The following CCDC40 variants were observed in gnomAD, a reference collection of about 807,000 sequenced individuals.
The protein encoded by CCDC40 is coiled-coil domain 40 molecular ruler complex subunit.
CCDC40 carries 104 observed loss-of-function variants against 124.5 expected under a neutral mutation model. That is an observed-to-expected ratio of 0.84 (90% CI 0.71 to 0.98). CCDC40 has a LOEUF of 0.98. Among genes scored for constraint, CCDC40 ranks in the 50% least tolerant of loss-of-function variants. CCDC40 has a pLI of 0.00. For synonymous variants in CCDC40, 580 were observed against 602.9 expected, an observed-to-expected ratio of 0.96 and a Z score of 0.56; for missense variants, 1,463 against 1,503.9, an observed-to-expected ratio of 0.97 and a Z score of 0.45.
intron 10 of CCDC40, among the ~76,000 whole-genome samples, chr17:80,072,419 G>C (rs55938998): frequency 6.6e-6 from 1 of 152,064 alleles, no homozygotes; most frequent in African/African-American, 2.4e-5. Flanking sequence ...ACATTTCCCC[G>C]AGTGTTAGGA....
intron 9 of CCDC40, among the ~76,000 whole-genome samples, chr17:80,061,812 C>G (rs2037904554): frequency 6.7e-6 from 1 of 150,084 alleles, no homozygotes; most frequent in South Asian, 2.1e-4. Context: ...TTATCTTTAT[C>G]AAGATCTTCA....
At chr17:80,088,331 A>C (rs1181676476) in intron 16 of CCDC40, 3 of 566,004 alleles carry the variant, frequency 5.3e-6, no homozygotes, top group Non-Finnish European at 9.7e-6. Flanking sequence ...AGCTCACTGC[A>C]ACCTCTGCCT....
Position 80,086,980 on chromosome 17 carries a change from T to C in CCDC40, c.2450-627T>C. On this transcript the variant is annotated intron_variant, in intron 14 of 19. Transcript: ENST00000397545. The surrounding 1 kb of genome is among the most constrained non-coding windows in gnomAD (Gnocchi z 5.5). ...GGCAAGAGCTGCCGAAATACCATGC[T>C]GTGAGATGGGGAGGATCACCCATGG... 6.0e-6 allele frequency: 1 copy of C among 167,358 alleles called. No individual in the cohort carries two copies. Among genetic ancestry groups the C allele is most frequent in the Admixed American group, 5.5e-5 (1 of 18,348 alleles). The allele number at this position is 167,358 out of a possible 1,614,324, so 10.4% of individuals were successfully genotyped here.
At chr17:80,093,759 C>T (rs1247235797) in intron 17 of CCDC40, among the ~76,000 whole-genome samples, 1 of 152,046 alleles carries the variant, frequency 6.6e-6, no homozygotes, top group Non-Finnish European at 1.5e-5. Flanking sequence ...GGTGATCCAC[C>T]GGTTTCGGCC....
At position 80,086,126 on chromosome 17, in the gene CCDC40, G is replaced by A; in HGVS notation, c.2359G>A (p.Val787Met). The change falls in exon 14 of 20, where the codon GTG (valine) becomes ATG (methionine). Residue 787 changes from valine to methionine, a missense_variant. Transcript: ENST00000397545. This position sits in a 1 kb window ranked among gnomAD's most constrained non-coding sequence, Gnocchi z 5.5. ...GCGCCTGCAGCAGGAGATGGTCAAG[G>A]TGACACAGGAGCAGGAGGAGCAGCT... is the stretch of plus-strand genomic sequence containing the variant. ...WLRLQQEMVK[V>M]TQEQEEQLAS... 2 of 1,614,126 alleles carry A rather than the reference G, an allele frequency of 1.2e-6. No individual in the cohort carries two copies. The highest frequency in any genetic ancestry group is 1.1e-5 in the South Asian group (1 of 91,086).
In CCDC40 at chr17:80,087,506, G is replaced by A. The variant is rs1466516828; in HGVS notation, c.2450-101G>A. ...GAGGGAGGGGATGAAGGGAGCTACA[G>A]GGAGAGACAAAACCTGGCTCACCTC... On this transcript the variant is annotated intron_variant, in intron 14 of 19. Transcript: ENST00000397545. The surrounding 1 kb of genome is among the most constrained non-coding windows in gnomAD (Gnocchi z 4.5). The A allele has an allele frequency of 4.6e-6, 4 of 869,238 alleles. No homozygotes were observed. Among genetic ancestry groups the A allele is most frequent in the Non-Finnish European group, 7.7e-6 (4 of 521,758 alleles). The allele number at this position is 869,238 out of a possible 1,614,324, so 53.8% of individuals were successfully genotyped here.
At position 80,081,694 on chromosome 17, in the gene CCDC40, C is replaced by A; in HGVS notation, c.1711C>A (p.Gln571Lys). ...CACACTGCTGCAGAAGCTCACCACC[C>A]AGTGCCTGACCAAGCAGGTGGCCCT... Reference protein sequence around the residue: ...EATLLQKLTTQCLTKQVALQS... With the variant: ...EATLLQKLTTKCLTKQVALQS... Residue 571 changes from glutamine (Q) to lysine (K), a missense_variant, in exon 11 of 20, where the codon CAG becomes AAG. By Grantham distance (53) the Gln-to-Lys change is moderately conservative. Transcript: ENST00000397545. 2 of 1,614,192 alleles carry A rather than the reference C, an allele frequency of 1.2e-6. No individual in the cohort carries two copies. The highest frequency in any genetic ancestry group is 1.7e-6 in the Non-Finnish European group (2 of 1,180,046).
intron 2 of CCDC40, 29 bp from the exon 3 acceptor site, chr17:80,039,783 C>G (rs1050876984): frequency 1.2e-6 from 2 of 1,611,516 alleles, no homozygotes; most frequent in Non-Finnish European, 1.7e-6. Flanking sequence ...ACTTTGTTTC[C>G]TGATTTTTTT....
Position 80,095,443 on chromosome 17 carries a change from G to A in CCDC40, c.3013G>A (p.Val1005Ile), listed in dbSNP as rs775788498. 2.0e-5 allele frequency: 33 copies of A among 1,614,034 alleles called. No homozygotes were observed. The highest frequency in any genetic ancestry group is 1.8e-4 in the South Asian group (16 of 91,096). ...TGAGCTGCGCCGGAAAATCAGGGACGTTCGCAAGGTAGGGAGCAGCGGAAA... is the reference window on the plus strand; with the variant it reads ...TGAGCTGCGCCGGAAAATCAGGGACATTCGCAAGGTAGGGAGCAGCGGAAA... ...QLELRRKIRD[V>I]RKATDECTKT... The change falls in exon 18 of 20, where the codon GTT becomes ATT. Residue 1005 changes from valine to isoleucine, a missense_variant. Coordinates refer to ENST00000397545, the MANE Select transcript of CCDC40 (RefSeq NM_017950.4).
chr17:80,063,650 G>A (rs550003326), intron 9 of CCDC40, among the ~76,000 whole-genome samples: 184 of 152,278 alleles, frequency 1.2e-3, no homozygotes, highest in African/African-American at 4.2e-3. Flanking sequence ...CCACGACTGG[G>A]CATTTATCCA....
chr17:80,090,117 C>T (rs746817190), intron 17 of CCDC40: 12 of 1,536,204 alleles, frequency 7.8e-6, no homozygotes, highest in African/African-American at 2.7e-5. Context: ...GCTTTTACCA[C>T]ACGCTTGCTT....
chr17:80,087,500 G>A lies in CCDC40; in HGVS notation c.2450-107G>A. The A allele has an allele frequency of 1.2e-6, 1 of 816,026 alleles. No homozygotes were observed. The highest frequency in any genetic ancestry group is 2.1e-6 in the Non-Finnish European group (1 of 475,138). The allele number at this position is 816,026 out of a possible 1,614,324, so 50.5% of individuals were successfully genotyped here. On this transcript the variant is annotated intron_variant, in intron 14 of 19. Coordinates refer to ENST00000397545, the MANE Select transcript of CCDC40 (RefSeq NM_017950.4). The surrounding 1 kb of genome is among the most constrained non-coding windows in gnomAD (Gnocchi z 4.5). ...CGACAAGAGGGAGGGGATGAAGGGA[G>A]CTACAGGGAGAGACAAAACCTGGCT... is the stretch of plus-strand genomic sequence containing the variant.
intron 9 of CCDC40, among the ~76,000 whole-genome samples, chr17:80,065,131 C>A (rs188576646): frequency 6.0e-4 from 34 of 56,766 alleles, no homozygotes; most frequent in African/African-American, 2.4e-3. Context: ...TCTCCTCCCC[C>A]TCCCTCTCCC....
At chr17:80,047,148 G>T (rs1382960319) in intron 3 of CCDC40, 131 bp from the exon 4 acceptor site, 4 of 1,077,984 alleles carry the variant, frequency 3.7e-6, no homozygotes, top group Non-Finnish European at 5.5e-6. Context: ...GCCCGGCCAG[G>T]TTTTTTAAAA....
At chr17:80,068,661 C>G (rs2038111373) in intron 10 of CCDC40, among the ~76,000 whole-genome samples, 1 of 152,010 alleles carries the variant, frequency 6.6e-6, no homozygotes, top group Admixed American at 6.6e-5. Context: ...GGAGCCTTCA[C>G]CCTGCGAGAT....
chr17:80,057,844 C>T (rs564750505), intron 7 of CCDC40, among the ~76,000 whole-genome samples: 2 of 151,826 alleles, frequency 1.3e-5, no homozygotes, highest in East Asian at 1.9e-4. Context: ...CCACTGCACT[C>T]CAGCCTGGGC....
chr17:80,065,090 C>T (rs150582915), intron 9 of CCDC40, among the ~76,000 whole-genome samples: 1,075 of 75,114 alleles, frequency 0.014, 15 homozygotes, highest in Non-Finnish European at 0.022. Flanking sequence ...TTCATCTCCT[C>T]CCCCTCCCTC....
intron 10 of CCDC40, among the ~76,000 whole-genome samples, chr17:80,072,001 G>A (rs983662661): frequency 4.0e-5 from 6 of 151,866 alleles, no homozygotes; most frequent in Non-Finnish European, 4.4e-5. Context: ...CACCATGCCC[G>A]GCTGATTTTG....
At chr17:80,089,293 C>T (rs550292888) in intron 16 of CCDC40, among the ~76,000 whole-genome samples, 4 of 152,292 alleles carry the variant, frequency 2.6e-5, no homozygotes, top group African/African-American at 4.8e-5. Context: ...CAGCGTGCTC[C>T]GGAAGGGATG....
Sources: allele counts gnomAD v4.1 joint callset (sites outside exome capture counted in the v4.1 genomes callset), GRCh38; gene constraint gnomAD v4.1.1; non-coding constraint Gnocchi (gnomAD v3.1); transcripts MANE v1.5; gene names NCBI Gene and HGNC (gene_info 2026-07-23, HGNC 2026-07-21).